Variants in EFNA5 observed in about 807,000 individuals in gnomAD.
EFNA5 encodes ephrin-A5.
A neutral mutation model predicts 22.9 loss-of-function variants in EFNA5; 5 were observed. That is an observed-to-expected ratio of 0.22 (90% CI 0.11 to 0.46). The LOEUF (loss-of-function observed/expected upper bound fraction) is 0.46, where lower values mean the gene tolerates loss of function less well. EFNA5 is among the 20% of genes least tolerant of loss of function. EFNA5 has a pLI of 0.99. For missense variants in EFNA5, 237 were observed against 293.3 expected (o/e 0.81, Z 1.40); for synonymous variants, 113 against 112.2 (o/e 1.01, Z -0.04).
intron 2 of EFNA5, among the ~76,000 whole-genome samples, chr5:107,409,456 C>T (rs944869290): frequency 8.5e-5 from 13 of 152,242 alleles, no homozygotes; most frequent in South Asian, 2.1e-4. Context: ...AGATACCAGA[C>T]GAGAAACTAC....
rs114851381 is a variant in EFNA5 at position 107,611,434 on chromosome 5, G to A, written c.125+59055C>T. 7.8e-3 allele frequency among the ~76,000 whole-genome samples: 1,194 copies of A among 152,296 alleles called. 16 individuals carry two copies. Among genetic ancestry groups the A allele is most frequent in the African/African-American group, 0.027 (1,135 of 41,566 alleles). ...GTTTGTAAAATTCCACGGGAAACAA[G>A]GTAAAACGGTTCGCTCAAGTCTTGC... On this transcript the variant is annotated intron_variant, in intron 1 of 4. Transcript: ENST00000333274.
chr5:107,633,537 C>G (rs976315424), intron 1 of EFNA5, among the ~76,000 whole-genome samples: 3 of 152,242 alleles, frequency 2.0e-5, no homozygotes, highest in Non-Finnish European at 2.9e-5. Context: ...AACTTTTCCA[C>G]TTGTGAGCAC....
chr5:107,662,056 G>GA (rs1033960254), intron 1 of EFNA5, among the ~76,000 whole-genome samples: 4 of 151,484 alleles, frequency 2.6e-5, no homozygotes, highest in South Asian at 2.1e-4. Context: ...GAAACAGCAA[G>GA]AAAAAAAACA....
In EFNA5 at chr5:107,670,792, G is replaced by C. The variant is rs1751183587; in HGVS notation, c.-179C>G. On this transcript the variant is annotated 5_prime_UTR_variant, in exon 1 of 5. Coordinates refer to ENST00000333274, the MANE Select transcript of EFNA5 (RefSeq NM_001962.3). The stretch of plus-strand genomic sequence containing the variant: ...CCCACCAAGCTGGGGAGGGGTAGGA[G>C]AGCGAGAAGAAAAGAAGGCGGTGGG... 1.1e-5 allele frequency: 9 copies of C among 798,934 alleles called. No homozygotes were observed. In the South Asian group the frequency reaches 1.3e-4, roughly 12 times the overall value. 49.5% of individuals were successfully genotyped at this position (798,934 alleles called of 1,614,324 possible).
rs201409681 is a variant in EFNA5 at position 107,592,077 on chromosome 5, AATT to A, written c.125+78409_125+78411del. Among the ~76,000 whole-genome samples the A allele has an allele frequency of 4.7e-5, 4 of 84,860 alleles. No individual in the cohort carries two copies. The South Asian group carries it at 1.1e-3, about 23-fold the overall frequency. 55.7% of individuals were successfully genotyped at this position (84,860 alleles called of 152,430 possible). A position where few individuals can be genotyped will look rare whatever the true frequency, so the allele number is the denominator to read the frequency against. ...TAAACATATATTTATAATAATAATA[AATT>A]ATTAATTTTTAATAAAAATATATTT... On this transcript the variant is annotated intron_variant, in intron 1 of 4. Coordinates refer to ENST00000333274, the MANE Select transcript of EFNA5 (RefSeq NM_001962.3).
chr5:107,503,574 T>C (rs1362701014), intron 1 of EFNA5, among the ~76,000 whole-genome samples: 4 of 152,230 alleles, frequency 2.6e-5, no homozygotes, highest in Non-Finnish European at 5.9e-5. Context: ...ATTTAACCTA[T>C]GGCTATGTTT....
intron 1 of EFNA5, among the ~76,000 whole-genome samples, chr5:107,667,665 T>C (rs374677911): frequency 6.6e-6 from 1 of 152,170 alleles, no homozygotes; most frequent in East Asian, 1.9e-4. Context: ...ACTGAACATA[T>C]TATATTCTGA....
intron 1 of EFNA5, among the ~76,000 whole-genome samples, chr5:107,557,802 C>A (rs1383232996): frequency 6.6e-6 from 1 of 152,128 alleles, no homozygotes; most frequent in Non-Finnish European, 1.5e-5. Context: ...AGCGTTTTTA[C>A]CTTTGAATAA....
intron 1 of EFNA5, among the ~76,000 whole-genome samples, chr5:107,659,688 A>T (rs914001247): frequency 6.6e-5 from 10 of 152,088 alleles, no homozygotes; most frequent in African/African-American, 2.4e-4. Context: ...GTAAAAAAAA[A>T]ATAATTTGCA....
rs146068412 is a variant in EFNA5, at chr5:107,529,906, G to A, written c.126-102397C>T. 4.8e-3 allele frequency among the ~76,000 whole-genome samples: 736 copies of A among 152,272 alleles called. 2 individuals are homozygous for A. Among genetic ancestry groups the A allele is most frequent in the Non-Finnish European group, 8.6e-3 (585 of 68,026 alleles). The stretch of plus-strand genomic sequence containing the variant: ...ACTGTGTATTAACAACTTACATAAT[G>A]AGAAAATAGAGGTTTCAGGTATTAT... On this transcript the variant is annotated intron_variant, in intron 1 of 4. Transcript: ENST00000333274.
intron 1 of EFNA5, among the ~76,000 whole-genome samples, chr5:107,668,137 T>C (rs1330780441): frequency 6.6e-6 from 1 of 152,236 alleles, no homozygotes; most frequent in Non-Finnish European, 1.5e-5. Flanking sequence ...TAGGGCTGTA[T>C]CTCTTGGGGT....
rs548461513 is a variant in EFNA5, at chr5:107,470,704, G to C, written c.126-43195C>G. Among the ~76,000 whole-genome samples, 10 of 152,110 alleles carry C rather than the reference G, an allele frequency of 6.6e-5. No homozygotes were observed. In the South Asian group the frequency reaches 2.1e-3, roughly 32 times the overall value. On this transcript the variant is annotated intron_variant, in intron 1 of 4. Transcript: ENST00000333274. ...TTAAAGATTAACATTGCTGATAATG[G>C]ATAAACTAAACTTTTTGAAATTTCA...
intron 1 of EFNA5, among the ~76,000 whole-genome samples, chr5:107,612,860 A>C (rs1749843670): frequency 6.6e-6 from 1 of 152,180 alleles, no homozygotes; most frequent in Non-Finnish European, 1.5e-5. Flanking sequence ...AAGATCCCAG[A>C]ATCCTCTTAG....
chr5:107,388,252 AAGCAG>A (rs1412970246), intron 2 of EFNA5, among the ~76,000 whole-genome samples: 6 of 152,198 alleles, frequency 3.9e-5, no homozygotes, highest in African/African-American at 1.4e-4. Context: ...CTGCTGGGGA[AAGCAG>A]AGCTTTGTCT....
intron 1 of EFNA5, among the ~76,000 whole-genome samples, chr5:107,437,960 G>C (rs1183754754): frequency 6.6e-6 from 1 of 152,160 alleles, no homozygotes; most frequent in Non-Finnish European, 1.5e-5. Context: ...CAGAATGAAA[G>C]TTTCTCTCTT....
intron 1 of EFNA5, among the ~76,000 whole-genome samples, chr5:107,485,019 G>A (rs914972821): frequency 1.3e-5 from 2 of 151,470 alleles, no homozygotes; most frequent in African/African-American, 4.8e-5. Context: ...AAGAAAAAAA[G>A]GTAGGAAATA....
Position 107,652,525 on chromosome 5 carries a change from TGTCCTG to T in EFNA5, c.125+17958_125+17963del, listed in dbSNP as rs1043306889. 2.0e-5 allele frequency among the ~76,000 whole-genome samples: 3 copies of T among 152,330 alleles called. No individual in the cohort carries two copies. The East Asian group carries it at 5.8e-4, about 29-fold the overall frequency. On this transcript the variant is annotated intron_variant, in intron 1 of 4. Coordinates refer to ENST00000333274, the MANE Select transcript of EFNA5 (RefSeq NM_001962.3). ...CTTGGCAGTCAAAGAATTTTCTAAT[TGTCCTG>T]GTATTTGCCTGCATGTGGTCTTTAG... is the stretch of plus-strand genomic sequence containing the variant.
At chr5:107,496,164 TAAA>T (rs35565454) in intron 1 of EFNA5, among the ~76,000 whole-genome samples, 3 of 93,196 alleles carry the variant, frequency 3.2e-5, no homozygotes, top group Admixed American at 2.4e-4. Context: ...CTGTCTCTGC[TAAA>T]AAAAAAAAAA....
intron 1 of EFNA5, among the ~76,000 whole-genome samples, chr5:107,508,152 C>T (rs1747289961): frequency 6.6e-6 from 1 of 152,150 alleles, no homozygotes. Flanking sequence ...GGTCTCCTTC[C>T]TCCTGCCACT....
Sources: allele counts gnomAD v4.1 joint callset (sites outside exome capture counted in the v4.1 genomes callset), GRCh38; gene constraint gnomAD v4.1.1; transcripts MANE v1.5; gene names NCBI Gene and HGNC (gene_info 2026-07-23, HGNC 2026-07-21).